ANKS1B: variants seen among roughly 807,000 people sequenced by gnomAD.
ANKS1B encodes the protein ankyrin repeat and sterile alpha motif domain containing 1B.
Under a neutral mutation model 148.3 loss-of-function variants are expected in ANKS1B, and 36 were observed. The observed-to-expected ratio is 0.24, with a 90% CI of 0.19 to 0.32. The LOEUF is 0.32. Among genes scored for constraint, ANKS1B ranks in the 10% least tolerant of loss-of-function variants. The pLI is 1.00. For missense variants in ANKS1B, 1,157 were observed against 1,542.6 expected (o/e 0.75, Z 4.19); for synonymous variants, 542 against 560.8 (o/e 0.97, Z 0.47).
chr12:98,826,910 T>C (rs1282711463), intron 19 of ANKS1B, among the ~76,000 whole-genome samples: 1 of 152,128 alleles, frequency 6.6e-6, no homozygotes, highest in African/African-American at 2.4e-5. Flanking sequence ...TAGAGAGATA[T>C]GACAGGTTTT....
At position 98,978,148 on chromosome 12, in the gene ANKS1B, T is replaced by C. The variant is rs576564485; in HGVS notation, c.2778+75009A>G. On this transcript the variant is annotated intron_variant, in intron 17 of 26. Coordinates refer to ENST00000683438, the MANE Select transcript of ANKS1B (RefSeq NM_001352186.2). ...TAAATCTAATCTTTGTCTTTTAAAT[T>C]ATATTTAACGTAGTTGTTGATATGG... Among the ~76,000 whole-genome samples the C allele has an allele frequency of 1.8e-3, 275 of 152,292 alleles. 2 individuals carry two copies. Among genetic ancestry groups the C allele is most frequent in the African/African-American group, 6.4e-3 (268 of 41,566 alleles).
At chr12:99,276,023 A>T (rs2153993467) in intron 12 of ANKS1B, among the ~76,000 whole-genome samples, 1 of 152,316 alleles carries the variant, frequency 6.6e-6, no homozygotes, top group Admixed American at 6.5e-5. Context: ...TTAAGAAGTA[A>T]ACTTTTCAAG....
intron 12 of ANKS1B, among the ~76,000 whole-genome samples, chr12:99,315,401 C>T (rs527483142): frequency 3.3e-5 from 5 of 151,948 alleles, no homozygotes; most frequent in South Asian, 4.2e-4. Context: ...AGTGGGAAAA[C>T]GATTATGAAC....
In ANKS1B at chr12:99,443,711, T is replaced by C; in HGVS notation, c.1537A>G (p.Thr513Ala). 2 of 1,612,292 alleles carry C rather than the reference T, an allele frequency of 1.2e-6. No individual in the cohort carries two copies. The highest frequency in any genetic ancestry group is 1.7e-6 in the Non-Finnish European group (2 of 1,178,872). Reference protein sequence around the residue: ...TPDCSPPSPDTALKNIVKVIR... With the variant: ...TPDCSPPSPDAALKNIVKVIR... ...ACTTTTACAATATTTTTGAGGGCAG[T>C]ATCAGGGGATGGAGGTGAACAATCA... The change falls in exon 11 of 27, where the codon ACT (threonine) becomes GCT (alanine). Residue 513 changes from threonine (T) to alanine (A), a missense_variant. Thr to Ala is a moderately conservative substitution (Grantham distance 58, BLOSUM62 0). This residue lies in a region of ANKS1B where 661 missense variants were observed against 642.1 expected (regional missense o/e 1.03). Coordinates refer to ENST00000683438, the MANE Select transcript of ANKS1B (RefSeq NM_001352186.2).
intron 1 of ANKS1B, among the ~76,000 whole-genome samples, chr12:99,953,764 T>C (rs2095268740): frequency 6.6e-6 from 1 of 152,140 alleles, no homozygotes; most frequent in Admixed American, 6.5e-5. Context: ...GCATTCTTAC[T>C]GCAAGGCAGA....
At chr12:99,534,939 G>A (rs1469422443) in intron 9 of ANKS1B, among the ~76,000 whole-genome samples, 16 of 151,894 alleles carry the variant, frequency 1.1e-4, no homozygotes, top group Admixed American at 1.0e-3. Context: ...TCGATCTCCT[G>A]ACCTCGTGAT....
intron 17 of ANKS1B, among the ~76,000 whole-genome samples, chr12:98,950,991 T>C (rs2153075685): frequency 6.6e-6 from 1 of 152,268 alleles, no homozygotes; most frequent in East Asian, 1.9e-4. Flanking sequence ...AGATTCTTAA[T>C]TTGAGTTTCT....
chr12:99,291,660 TA>T (rs1405734849), intron 12 of ANKS1B, among the ~76,000 whole-genome samples: 11 of 152,070 alleles, frequency 7.2e-5, no homozygotes, highest in Non-Finnish European at 1.5e-5. Context: ...ATCTCTTCAA[TA>T]AATGGTTCTG....
intron 14 of ANKS1B, among the ~76,000 whole-genome samples, chr12:99,215,535 A>G (rs2084028137): frequency 6.6e-6 from 1 of 152,224 alleles, no homozygotes; most frequent in Non-Finnish European, 1.5e-5. Context: ...GCAAAGTCAT[A>G]GGGCTGGAGC....
At chr12:99,930,681 AG>A (rs2153807895) in intron 1 of ANKS1B, among the ~76,000 whole-genome samples, 1 of 152,322 alleles carries the variant, frequency 6.6e-6, no homozygotes, top group Non-Finnish European at 1.5e-5. Flanking sequence ...ATCATTAAAA[AG>A]TCAGGAAACA....
Position 99,097,920 on chromosome 12 carries a change from G to A in ANKS1B, c.2527-12897C>T, listed in dbSNP as rs2056736412. On this transcript the variant is annotated intron_variant, in intron 15 of 26. Coordinates refer to ENST00000683438, the MANE Select transcript of ANKS1B (RefSeq NM_001352186.2). Reference sequence around the variant, plus strand: ...AATAATTAATTCTTCTTGCTTTGGGGGAAATGTCATTTTCTTCAGATAAGT... The same window carrying A: ...AATAATTAATTCTTCTTGCTTTGGGAGAAATGTCATTTTCTTCAGATAAGT... 2.6e-5 allele frequency among the ~76,000 whole-genome samples: 4 copies of A among 152,194 alleles called. No individual in the cohort carries two copies. In the South Asian group the frequency reaches 8.3e-4, roughly 32 times the overall value.
intron 1 of ANKS1B, among the ~76,000 whole-genome samples, chr12:99,959,054 CTTTTTT>C (rs149006911): frequency 8.3e-6 from 1 of 121,000 alleles, no homozygotes; most frequent in Admixed American, 8.4e-5. Context: ...AAAGAACATG[CTTTTTT>C]TTTTTTTTTT....
chr12:99,921,287 TC>T (rs1290371751), intron 1 of ANKS1B, among the ~76,000 whole-genome samples: 1 of 152,068 alleles, frequency 6.6e-6, no homozygotes, highest in African/African-American at 2.4e-5. Flanking sequence ...AAGGGGCTCT[TC>T]CCCCTTTGCT....
chr12:99,211,520 C>T (rs2083343389), intron 14 of ANKS1B, among the ~76,000 whole-genome samples: 1 of 152,194 alleles, frequency 6.6e-6, no homozygotes, highest in South Asian at 2.1e-4. Context: ...CATGGGAACA[C>T]TGATTCTACT....
chr12:99,660,939 G>A (rs1315877478), intron 8 of ANKS1B, among the ~76,000 whole-genome samples: 1 of 152,038 alleles, frequency 6.6e-6, no homozygotes, highest in African/African-American at 2.4e-5. Flanking sequence ...AGCACTGACT[G>A]AGTGGTTAAA....
At chr12:99,512,607 T>C (rs1466275065) in intron 9 of ANKS1B, among the ~76,000 whole-genome samples, 1 of 152,058 alleles carries the variant, frequency 6.6e-6, no homozygotes, top group Non-Finnish European at 1.5e-5. Context: ...CACATATAAG[T>C]TCATTACAGC....
intron 14 of ANKS1B, among the ~76,000 whole-genome samples, chr12:99,162,047 T>G (rs572737626): frequency 6.6e-6 from 1 of 151,826 alleles, no homozygotes; most frequent in Non-Finnish European, 1.5e-5. Flanking sequence ...GAAAACATCA[T>G]GCCAAGTGAA....
intron 12 of ANKS1B, among the ~76,000 whole-genome samples, chr12:99,314,650 A>C (rs1423144887): frequency 6.6e-6 from 1 of 151,970 alleles, no homozygotes; most frequent in Non-Finnish European, 1.5e-5. Flanking sequence ...CAAGCCTGAC[A>C]AAAAAAAGCA....
At chr12:99,082,046 A>C (rs2153618250) in intron 16 of ANKS1B, among the ~76,000 whole-genome samples, 1 of 152,270 alleles carries the variant, frequency 6.6e-6, no homozygotes, top group Non-Finnish European at 1.5e-5. Flanking sequence ...ATAAAATCTC[A>C]GAGGAAAGGG....
Sources: allele counts gnomAD v4.1 joint callset (sites outside exome capture counted in the v4.1 genomes callset), GRCh38; gene constraint gnomAD v4.1.1; regional missense constraint gnomAD v4.1.1; transcripts MANE v1.5; gene names NCBI Gene and HGNC (gene_info 2026-07-23, HGNC 2026-07-21).